The following GRAMD2B variants were observed in gnomAD, a reference collection of about 807,000 sequenced individuals.
GRAMD2B encodes the protein GRAM domain containing 2B, also known as GRAM domain-containing protein 2B.
Under a neutral mutation model 59.2 loss-of-function variants are expected in GRAMD2B, and 41 were observed. The ratio of observed to expected loss-of-function variants is 0.69; its 90% confidence interval spans 0.54 to 0.90. The LOEUF (loss-of-function observed/expected upper bound fraction) is 0.90. GRAMD2B is among the 40% of genes least tolerant of loss of function. The pLI is 0.00. For synonymous variants in GRAMD2B, 161 were observed against 182.7 expected (o/e 0.88, Z 0.96); for missense variants, 424 against 500.5 (o/e 0.85, Z 1.46).
rs1356817352 is a variant in GRAMD2B at position 126,481,199 on chromosome 5, AAAAAAAAG to A, written c.735+496_735+503del. On this transcript the variant is annotated intron_variant, in intron 8 of 13. Coordinates refer to ENST00000285689, the MANE Select transcript of GRAMD2B (RefSeq NM_023927.4). ...ATGCTCAGAATTAACTGTAAAAAAA[AAAAAAAAG>A]AAAGAAAGAAAGAAAGAAAGAAAGA... Among the ~76,000 whole-genome samples the A allele has an allele frequency of 5.8e-3, 540 of 92,352 alleles. 2 individuals are homozygous for A. The highest frequency in any genetic ancestry group is 0.022 in the African/African-American group (510 of 22,732). 60.6% of individuals were successfully genotyped at this position (92,352 alleles called of 152,430 possible).
chr5:126,399,528 G>C (rs752475708), intron 1 of GRAMD2B, among the ~76,000 whole-genome samples: 2 of 152,072 alleles, frequency 1.3e-5, no homozygotes, highest in Non-Finnish European at 2.9e-5. Flanking sequence ...TGTAAGACAT[G>C]TCTTCCTTCC....
intron 1 of GRAMD2B, among the ~76,000 whole-genome samples, chr5:126,433,050 C>A (rs556040252): frequency 2.0e-5 from 3 of 152,070 alleles, no homozygotes; most frequent in Non-Finnish European, 4.4e-5. Flanking sequence ...ACACATAAAG[C>A]CTTTGCCATA....
chr5:126,417,399 C>T (rs1400411534), intron 1 of GRAMD2B, among the ~76,000 whole-genome samples: 5 of 152,262 alleles, frequency 3.3e-5, no homozygotes, highest in Non-Finnish European at 7.3e-5. Flanking sequence ...ACGTGGAGCA[C>T]TGCACAGACA....
Position 126,493,148 on chromosome 5 carries a change from T to A in GRAMD2B, c.*192T>A, listed in dbSNP as rs1774233711. The stretch of plus-strand genomic sequence containing the variant: ...ATTTTGGTTCTTGTGCAATAAAAGT[T>A]GACCTTGACTCTCTGAGGAAGATTT... On this transcript the variant is annotated 3_prime_UTR_variant, in exon 14 of 14. Transcript: ENST00000285689. 1 of 572,656 alleles carries A rather than the reference T, an allele frequency of 1.7e-6. No homozygotes were observed. Among genetic ancestry groups the A allele is most frequent in the South Asian group, 2.4e-5 (1 of 42,324 alleles). 35.5% of individuals were successfully genotyped at this position (572,656 alleles called of 1,614,324 possible).
chr5:126,454,318 C>T (rs1765890405), intron 1 of GRAMD2B, among the ~76,000 whole-genome samples: 1 of 152,012 alleles, frequency 6.6e-6, no homozygotes, highest in African/African-American at 2.4e-5. Flanking sequence ...CATTGATGTC[C>T]CAGAATCTTG....
chr5:126,468,580 C>T (rs1354864577), intron 2 of GRAMD2B, among the ~76,000 whole-genome samples: 1 of 152,024 alleles, frequency 6.6e-6, no homozygotes, highest in East Asian at 1.9e-4. Context: ...CTCTGCCTCC[C>T]GGGTTCAAGC....
chr5:126,490,915 C>G (rs887275299), intron 13 of GRAMD2B, among the ~76,000 whole-genome samples: 2 of 152,212 alleles, frequency 1.3e-5, no homozygotes, highest in Non-Finnish European at 2.9e-5. Flanking sequence ...CCACCTGCCA[C>G]TGGTTGACTA....
chr5:126,416,853 A>C (rs534999899), intron 1 of GRAMD2B, among the ~76,000 whole-genome samples: 3 of 152,308 alleles, frequency 2.0e-5, no homozygotes, highest in Admixed American at 2.0e-4. Flanking sequence ...ATCCCCTAAA[A>C]TAGGCCTCCC....
chr5:126,424,917 G>T (rs953918732), intron 1 of GRAMD2B, among the ~76,000 whole-genome samples: 23 of 152,204 alleles, frequency 1.5e-4, no homozygotes. Flanking sequence ...CAGGATTCAA[G>T]CCCAGGTCTC....
At position 126,409,049 on chromosome 5, in the gene GRAMD2B, A is replaced by G. The variant is rs1424894892; in HGVS notation, c.125+37482A>G. On this transcript the variant is annotated intron_variant, in intron 1 of 8. Coordinates refer to the GRAMD2B transcript ENST00000506445. ...CTTTTTTATGGCTGCATAGTATTCCATGGTGTATATGTGCCACATTTTCTT... is the reference window on the plus strand; with the variant it reads ...CTTTTTTATGGCTGCATAGTATTCCGTGGTGTATATGTGCCACATTTTCTT... 2.0e-5 allele frequency among the ~76,000 whole-genome samples: 3 copies of G among 151,506 alleles called. No individual in the cohort carries two copies. In the South Asian group the frequency reaches 6.3e-4, roughly 32 times the overall value.
intron 1 of GRAMD2B, among the ~76,000 whole-genome samples, chr5:126,415,788 A>T (rs1025167165): frequency 1.3e-5 from 2 of 152,210 alleles, no homozygotes; most frequent in Non-Finnish European, 2.9e-5. Flanking sequence ...AGAAAAGATA[A>T]CGAAATGCTG....
chr5:126,482,011 C>CTACAATA (rs1399919136), intron 8 of GRAMD2B, among the ~76,000 whole-genome samples: 3 of 150,314 alleles, frequency 2.0e-5, no homozygotes. Flanking sequence ...CTGATACCTG[C>CTACAATA]TACAATATAG....
intron 8 of GRAMD2B, among the ~76,000 whole-genome samples, chr5:126,482,017 T>A (rs992703808): frequency 6.7e-6 from 1 of 149,240 alleles, no homozygotes; most frequent in Non-Finnish European, 1.5e-5. Flanking sequence ...CCTGCTACAA[T>A]ATAGCAATAT....
At chr5:126,469,619 A>G (rs1441807715) in intron 2 of GRAMD2B, 58 bp from the exon 3 acceptor site, 13 of 1,189,826 alleles carry the variant, frequency 1.1e-5, no homozygotes, top group Admixed American at 1.8e-5. Flanking sequence ...TGGGCAACAG[A>G]GCAAAACTGT....
At chr5:126,460,682 C>T (rs1274106404) in intron 1 of GRAMD2B, among the ~76,000 whole-genome samples, 2 of 152,192 alleles carry the variant, frequency 1.3e-5, no homozygotes, top group African/African-American at 4.8e-5. Flanking sequence ...CCTGTGTCTG[C>T]CAGCCACGGA....
chr5:126,455,077 T>C (rs1766038807), intron 1 of GRAMD2B, among the ~76,000 whole-genome samples: 2 of 152,186 alleles, frequency 1.3e-5, no homozygotes, highest in African/African-American at 2.4e-5. Flanking sequence ...CTCCATTGCG[T>C]GCTCTCCCTA....
At chr5:126,411,101 C>G (rs1758741002) in intron 1 of GRAMD2B, among the ~76,000 whole-genome samples, 1 of 151,708 alleles carries the variant, frequency 6.6e-6, no homozygotes, top group Admixed American at 6.6e-5. Context: ...CTGTGCAGAG[C>G]TCTTTAATTA....
At chr5:126,486,786 G>C in intron 11 of GRAMD2B, 87 bp from the exon 12 acceptor site, 1 of 741,610 alleles carries the variant, frequency 1.3e-6, no homozygotes, top group African/African-American at 1.7e-5. Context: ...CCTTGCCTCG[G>C]GTGTACCACA....
intron 9 of GRAMD2B, 143 bp from the exon 10 acceptor site, chr5:126,484,259 C>G: frequency 2.2e-6 from 2 of 893,268 alleles, no homozygotes; most frequent in South Asian, 4.2e-5. Context: ...AATTTCAGCC[C>G]CAGCCACCAC....
Sources: allele counts gnomAD v4.1 joint callset (sites outside exome capture counted in the v4.1 genomes callset), GRCh38; gene constraint gnomAD v4.1.1; transcripts MANE v1.5; gene names NCBI Gene and HGNC (gene_info 2026-07-23, HGNC 2026-07-21).